Variants in ADGRV1 observed in about 807,000 individuals in gnomAD.
The protein encoded by ADGRV1 is G-protein coupled receptor 98.
A neutral mutation model predicts 596.2 loss-of-function variants in ADGRV1; 359 were observed. That is an observed-to-expected ratio of 0.60 (90% CI 0.55 to 0.66). ADGRV1 has a LOEUF of 0.66. ADGRV1 is among the 30% of genes least tolerant of loss of function. The pLI, the probability that ADGRV1 is intolerant of heterozygous loss-of-function variation, is 0.00. For synonymous variants in ADGRV1, 2,681 were observed against 2,679.2 expected (o/e 1.00, Z -0.02); for missense variants, 7,274 against 7,575.6 (o/e 0.96, Z 1.48).
chr5:90,911,754 T>G (rs1353212985), intron 83 of ADGRV1, among the ~76,000 whole-genome samples: 2 of 152,202 alleles, frequency 1.3e-5, no homozygotes, highest in Non-Finnish European at 2.9e-5. Flanking sequence ...ATCTTATCTT[T>G]CTGCATCTTT....
chr5:91,107,868 A>G (rs1025303626), intron 87 of ADGRV1, among the ~76,000 whole-genome samples: 7 of 152,154 alleles, frequency 4.6e-5, no homozygotes, highest in African/African-American at 1.7e-4. Context: ...GCTCTTATGG[A>G]GGTTTGTAAA....
chr5:90,771,759 A>C (rs1285261232), intron 59 of ADGRV1, among the ~76,000 whole-genome samples: 1 of 152,198 alleles, frequency 6.6e-6, no homozygotes, highest in African/African-American at 2.4e-5. Context: ...GAATAGAAAT[A>C]ATTGTTCTGA....
chr5:90,983,783 G>T (rs947703858), intron 84 of ADGRV1, among the ~76,000 whole-genome samples: 1 of 152,114 alleles, frequency 6.6e-6, no homozygotes, highest in African/African-American at 2.4e-5. Context: ...GATATGGAGT[G>T]CTGGCAGGAA....
chr5:91,011,625 A>C (rs1351622485), intron 85 of ADGRV1, among the ~76,000 whole-genome samples: 3 of 152,014 alleles, frequency 2.0e-5, no homozygotes, highest in Non-Finnish European at 4.4e-5. Context: ...ATAAAACTAG[A>C]AAATGGTGAA....
Position 90,647,383 on chromosome 5 carries a change from G to T in ADGRV1, c.3023-115G>T, listed in dbSNP as rs925459961. The T allele has an allele frequency of 4.0e-6, 4 of 1,000,534 alleles. No individual in the cohort carries two copies. In the African/African-American group the frequency reaches 6.4e-5, roughly 16 times the overall value. 62.0% of individuals were successfully genotyped at this position (1,000,534 alleles called of 1,614,324 possible). On this transcript the variant is annotated intron_variant, in intron 16 of 89. Transcript: ENST00000405460. ...GTTGGGAACAGAGCTAATTATTTTG[G>T]CAAAGACACAGTACAAGGCTTCTCT...
intron 83 of ADGRV1, among the ~76,000 whole-genome samples, chr5:90,933,946 T>C (rs1046201493): frequency 5.9e-5 from 9 of 152,168 alleles, no homozygotes; most frequent in Admixed American, 3.3e-4. Context: ...TCTTGTAACA[T>C]TGAGCCATCT....
rs116110048 is a variant in ADGRV1 at position 90,558,849 on chromosome 5, G to C, written c.-47G>C. ...GGAGTACGGACGGGAGTCAGAGGCA[G>C]AGCGAGGGTGTGTGGAGGGCCGGCG... On this transcript the variant is annotated 5_prime_UTR_variant, in exon 1 of 90. Transcript: ENST00000405460. The C allele has an allele frequency of 1.9e-3, 2,898 of 1,555,540 alleles. 55 individuals are homozygous for C. In the African/African-American group the frequency reaches 0.035, roughly 19 times the overall value.
At position 90,705,426 on chromosome 5, in the gene ADGRV1, C is replaced by T; in HGVS notation, c.8413C>T (p.Leu2805Phe). Residue 2805 changes from leucine to phenylalanine, a missense_variant, in exon 37 of 90, where the codon CTT becomes TTT. Physicochemically the swap from Leu to Phe is conservative, Grantham distance 22 (BLOSUM62 0). This residue lies in a region of ADGRV1 where 3,643 missense variants were observed against 3,809.2 expected (regional missense o/e 0.96). Coordinates refer to ENST00000405460, the MANE Select transcript of ADGRV1 (RefSeq NM_032119.4). ...AGTTCCACCAGCCGGAATCGCCCTG[C>T]TTGATGCTCAAGGATATGCAGCTGT... is the stretch of plus-strand genomic sequence containing the variant. ...QGVPPAGIAL[L>F]DAQGYAAVLT... 6.2e-7 allele frequency: 1 copy of T among 1,613,776 alleles called. No individual in the cohort carries two copies. Among genetic ancestry groups the T allele is most frequent in the Non-Finnish European group, 8.5e-7 (1 of 1,179,744 alleles).
At chr5:91,011,473 A>C (rs1030374794) in intron 85 of ADGRV1, among the ~76,000 whole-genome samples, 7 of 151,932 alleles carry the variant, frequency 4.6e-5, no homozygotes, top group African/African-American at 1.7e-4. Context: ...GCAAACAAGC[A>C]CTACTGCCTA....
chr5:90,827,592 AGCTC>A (rs1748151873), intron 76 of ADGRV1, among the ~76,000 whole-genome samples: 1 of 152,312 alleles, frequency 6.6e-6, no homozygotes, highest in Non-Finnish European at 1.5e-5. Context: ...TTTGAATTCA[AGCTC>A]GCTTGGCCAT....
chr5:90,606,767 G>T (rs887284473), intron 1 of ADGRV1, among the ~76,000 whole-genome samples: 1 of 151,720 alleles, frequency 6.6e-6, no homozygotes, highest in African/African-American at 2.4e-5. Flanking sequence ...CTACACCTAG[G>T]GGGCAGTAGA....
chr5:91,014,989 C>A (rs1783058405), intron 85 of ADGRV1, among the ~76,000 whole-genome samples: 1 of 151,966 alleles, frequency 6.6e-6, no homozygotes, highest in South Asian at 2.1e-4. Flanking sequence ...AATTTGAGAT[C>A]TATCTAACTT....
chr5:91,027,144 AACACACACACACACACACACACACAC>A (rs1184010778), intron 85 of ADGRV1, among the ~76,000 whole-genome samples: 2 of 129,128 alleles, frequency 1.5e-5, no homozygotes, highest in East Asian at 2.3e-4. Flanking sequence ...ACAGTCTCAA[AACACACACACACACACACACACACAC>A]ACACACACAC....
intron 83 of ADGRV1, among the ~76,000 whole-genome samples, chr5:90,870,442 A>C (rs1768552850): frequency 6.6e-6 from 1 of 152,164 alleles, no homozygotes; most frequent in Non-Finnish European, 1.5e-5. Flanking sequence ...CGCTATGTGG[A>C]ATGAGAAGGA....
rs545827280 is a variant in ADGRV1 at position 91,095,130 on chromosome 5, T to C, written c.18311-7089T>C. Among the ~76,000 whole-genome samples the C allele has an allele frequency of 3.3e-5, 5 of 152,180 alleles. No homozygotes were observed. The East Asian group carries it at 9.7e-4, about 29-fold the overall frequency. On this transcript the variant is annotated intron_variant, in intron 86 of 89. Coordinates refer to ENST00000405460, the MANE Select transcript of ADGRV1 (RefSeq NM_032119.4). ...CTAAAATTAGATCTGAGTATAGAAC[T>C]AATGACTAAGGGTTAGGAATGCCAG... is the stretch of plus-strand genomic sequence containing the variant.
At position 91,125,859 on chromosome 5, in the gene ADGRV1, A is replaced by G. The variant is rs571666815; in HGVS notation, c.18432+23519A>G. On this transcript the variant is annotated intron_variant, in intron 87 of 89. Coordinates refer to ENST00000405460, the MANE Select transcript of ADGRV1 (RefSeq NM_032119.4). ...TGCAGTGATTATGTTCATATTTGAT[A>G]CAGAGGGATCTTATTTCATTGTCGT... is the stretch of plus-strand genomic sequence containing the variant. Among the ~76,000 whole-genome samples the G allele has an allele frequency of 5.3e-4, 81 of 152,350 alleles. 3 individuals carry two copies. The South Asian group carries it at 0.015, about 29-fold the overall frequency.
chr5:91,103,650 T>A (rs1340906249), intron 87 of ADGRV1, among the ~76,000 whole-genome samples: 1 of 152,148 alleles, frequency 6.6e-6, no homozygotes, highest in Non-Finnish European at 1.5e-5. Flanking sequence ...TTCAAACTTT[T>A]AAAATTGAGA....
chr5:90,981,169 T>G (rs1054991998), intron 84 of ADGRV1, among the ~76,000 whole-genome samples: 1 of 152,158 alleles, frequency 6.6e-6, no homozygotes, highest in African/African-American at 2.4e-5. Context: ...AAGGTGAACA[T>G]TGGTTCAGTC....
At chr5:90,845,760 C>G (rs1765822030) in intron 78 of ADGRV1, among the ~76,000 whole-genome samples, 1 of 151,958 alleles carries the variant, frequency 6.6e-6, no homozygotes, top group South Asian at 2.1e-4. Context: ...TTGCCTCTGC[C>G]TGCTCTTTTA....
Sources: allele counts gnomAD v4.1 joint callset (sites outside exome capture counted in the v4.1 genomes callset), GRCh38; gene constraint gnomAD v4.1.1; regional missense constraint gnomAD v4.1.1; transcripts MANE v1.5; gene names NCBI Gene and HGNC (gene_info 2026-07-23, HGNC 2026-07-21).